Variants in CELF2 observed in about 807,000 individuals in gnomAD.
CELF2 encodes CUGBP Elav-like family member 2, also known as CUG triplet repeat RNA-binding protein 2.
In CELF2, 8 loss-of-function variants were observed where a neutral mutation model predicts 62.6. The ratio of observed to expected loss-of-function variants is 0.13; its 90% CI spans 0.07 to 0.23. The LOEUF (loss-of-function observed/expected upper bound fraction) is 0.23. CELF2 is among the 10% of genes least tolerant of loss of function. CELF2 has a pLI of 1.00. For synonymous variants in CELF2, 258 were observed against 250.0 expected (o/e 1.03, Z -0.30); for missense variants, 333 against 671.0 (o/e 0.50, Z 5.56).
chr10:10,725,289 C>G, the CELF2 span, among the ~76,000 whole-genome samples: 1 of 152,078 alleles, frequency 6.6e-6, no homozygotes, highest in Admixed American at 6.6e-5. Context: ...TTCTTTCTGT[C>G]AAAGGAGGAG....
intron 2 of CELF2, among the ~76,000 whole-genome samples, chr10:10,971,625 C>T (rs916993428): frequency 6.6e-6 from 1 of 152,152 alleles, no homozygotes; most frequent in Non-Finnish European, 1.5e-5. Flanking sequence ...TTCGCTCTGT[C>T]GCCCAGGCTG....
At position 11,244,507 on chromosome 10, in the gene CELF2, T is replaced by C. The variant is rs186765934; in HGVS notation, c.355-4646T>C. 1.8e-4 allele frequency among the ~76,000 whole-genome samples: 27 copies of C among 151,846 alleles called. No homozygotes were observed. Among genetic ancestry groups the C allele is most frequent in the Non-Finnish European group, 3.5e-4 (24 of 67,926 alleles). On this transcript the variant is annotated intron_variant, in intron 3 of 12. Transcript: ENST00000633077. The surrounding 1 kb of genome is among the most constrained non-coding windows in gnomAD (Gnocchi z 4.2). Reference sequence around the variant, plus strand: ...TCTCTGCTAAAAATACAAAGAAAATTAGTTGGGCGTGGTGGCGGGCGCCTG... The same window carrying C: ...TCTCTGCTAAAAATACAAAGAAAATCAGTTGGGCGTGGTGGCGGGCGCCTG...
At chr10:10,823,912 G>A (rs1019136585) in intron 1 of CELF2, among the ~76,000 whole-genome samples, 16 of 152,226 alleles carry the variant, frequency 1.1e-4, no homozygotes, top group Admixed American at 2.6e-4. Context: ...GTGTGTGTAC[G>A]TGTGGATAGA....
chr10:11,094,851 G>A (rs2049345957), intron 1 of CELF2, among the ~76,000 whole-genome samples: 1 of 152,176 alleles, frequency 6.6e-6, no homozygotes, highest in South Asian at 2.1e-4. Context: ...ACATTGACAA[G>A]AACTCTAGTG....
rs546504738 is a variant in CELF2, at chr10:11,264,242, T to C, written c.539-2356T>C. ...TGTTCTATTGGTAATACTTCTCTTC[T>C]GAGGCCTGATAATTGCTGTATCTTT... On this transcript the variant is annotated intron_variant, in intron 5 of 12. Transcript: ENST00000633077. Among the ~76,000 whole-genome samples, 7 of 152,378 alleles carry C rather than the reference T, an allele frequency of 4.6e-5. No individual in the cohort carries two copies. The South Asian group carries it at 1.2e-3, about 27-fold the overall frequency.
intron 1 of CELF2, among the ~76,000 whole-genome samples, chr10:11,020,822 A>G (rs1163792456): frequency 6.6e-6 from 1 of 152,246 alleles, no homozygotes. Flanking sequence ...AAGAGCCCAG[A>G]TCATTTAAGG....
At position 11,075,805 on chromosome 10, in the gene CELF2, C is replaced by T. The variant is rs1438556176; in HGVS notation, c.74+57642C>T. On this transcript the variant is annotated intron_variant, in intron 1 of 12. Coordinates refer to ENST00000633077, the MANE Select transcript of CELF2 (RefSeq NM_001326342.2). This position sits in a 1 kb window ranked among gnomAD's most constrained non-coding sequence, Gnocchi z 5.4. The stretch of plus-strand genomic sequence containing the variant: ...GCTATGGAATGATGGTTGAAAACGT[C>T]GTAGGCAAGAAAAAAGCATCAGTAT... Among the ~76,000 whole-genome samples the T allele has an allele frequency of 1.3e-5, 2 of 150,876 alleles. No individual in the cohort carries two copies. The highest frequency in any genetic ancestry group is 6.6e-5 in the Admixed American group (1 of 15,190).
At chr10:10,891,877 G>T (rs992130589) in intron 1 of CELF2, among the ~76,000 whole-genome samples, 1 of 152,238 alleles carries the variant, frequency 6.6e-6, no homozygotes, top group Middle Eastern at 3.4e-3. Context: ...GTCAATCCTC[G>T]CAGGATCATT....
intron 7 of CELF2, among the ~76,000 whole-genome samples, chr10:11,274,094 A>G (rs1458158884): frequency 1.3e-5 from 2 of 152,090 alleles, no homozygotes; most frequent in East Asian, 1.9e-4. Flanking sequence ...CAATGTGACA[A>G]TATTTCAGTA....
At chr10:10,697,042 C>T in the CELF2 span, among the ~76,000 whole-genome samples, 1 of 151,822 alleles carries the variant, frequency 6.6e-6, no homozygotes, top group African/African-American at 2.4e-5. Context: ...GATTAGAAAA[C>T]AAAATATCTT....
the CELF2 span, among the ~76,000 whole-genome samples, chr10:10,764,511 T>G: frequency 6.6e-6 from 1 of 152,192 alleles, no homozygotes; most frequent in Admixed American, 6.5e-5. Flanking sequence ...ACAAGGTGTC[T>G]TCTGAGAAGA....
At chr10:10,510,111 C>G in the CELF2 span, among the ~76,000 whole-genome samples, 2 of 152,206 alleles carry the variant, frequency 1.3e-5, no homozygotes, top group Non-Finnish European at 2.9e-5. Flanking sequence ...ACTTATCCAA[C>G]CCATAATTGC....
the CELF2 span, chr10:10,792,522 A>T: frequency 5.0e-6 from 2 of 398,010 alleles, no homozygotes; most frequent in African/African-American, 4.1e-5. Context: ...ACAGATGAGG[A>T]GTCCTGTTTG....
chr10:10,992,638 G>C (rs1295375787), intron 2 of CELF2, among the ~76,000 whole-genome samples: 1 of 152,200 alleles, frequency 6.6e-6, no homozygotes, highest in Non-Finnish European at 1.5e-5. Context: ...TTTCAGAAGA[G>C]GGTGTATTAG....
chr10:11,148,819 G>A (rs2062748946), intron 1 of CELF2, among the ~76,000 whole-genome samples: 1 of 147,622 alleles, frequency 6.8e-6, no homozygotes. Context: ...TGCCCTTGTT[G>A]TTATCGATTA....
chr10:10,501,563 T>C, the CELF2 span, among the ~76,000 whole-genome samples: 2 of 152,182 alleles, frequency 1.3e-5, no homozygotes, highest in Admixed American at 1.3e-4. Context: ...CAATTGACAG[T>C]GATATTGTAT....
At chr10:10,944,972 G>T (rs1284577409) in intron 2 of CELF2, among the ~76,000 whole-genome samples, 1 of 152,100 alleles carries the variant, frequency 6.6e-6, no homozygotes, top group Non-Finnish European at 1.5e-5. Flanking sequence ...AGGGGAGAAG[G>T]GGGCAGAGTC....
chr10:11,320,577 T>C (rs1226327187), intron 10 of CELF2, among the ~76,000 whole-genome samples: 1 of 151,220 alleles, frequency 6.6e-6, no homozygotes, highest in African/African-American at 2.4e-5. Context: ...CCTAAGGTCC[T>C]AGTCCCTGAC....
intron 1 of CELF2, among the ~76,000 whole-genome samples, chr10:10,851,849 G>A (rs2059402731): frequency 6.6e-6 from 1 of 152,156 alleles, no homozygotes; most frequent in African/African-American, 2.4e-5. Context: ...CATATAAAGA[G>A]ATTCCTAACA....
Sources: gnomAD v4.1 joint callset for allele counts (sites outside exome capture counted in the v4.1 genomes callset) on GRCh38, gnomAD v4.1.1 for gene constraint, Gnocchi (gnomAD v3.1) non-coding constraint, MANE v1.5 for transcripts, NCBI Gene and HGNC (gene_info 2026-07-23, HGNC 2026-07-21) for gene names.